IARS1: variants seen among roughly 807,000 people sequenced by gnomAD.
IARS1 encodes the protein isoleucine--tRNA ligase, cytoplasmic.
In IARS1, 124 loss-of-function variants were observed where a neutral mutation model predicts 168.2. That is an observed-to-expected ratio of 0.74 (90% CI 0.64 to 0.86). The LOEUF is 0.86. Among genes scored for constraint, IARS1 ranks in the 40% least tolerant of loss-of-function variants. The probability of loss-of-function intolerance (pLI) is 0.00; values close to 1 mark genes in which losing one functional copy is unlikely to be tolerated. For synonymous variants in IARS1, 532 were observed against 529.4 expected, an observed-to-expected ratio of 1.00 and a Z score of -0.07; for missense variants, 1,452 against 1,515.8, an observed-to-expected ratio of 0.96 and a Z score of 0.70.
At chr9:92,292,221 T>A (rs1394682178) in intron 1 of IARS1, among the ~76,000 whole-genome samples, 1 of 146,222 alleles carries the variant, frequency 6.8e-6, no homozygotes, top group Non-Finnish European at 1.5e-5. Context: ...GGGTGGTTTG[T>A]AGAGACAGGG....
chr9:92,277,678 A>ATT (rs879733186), intron 9 of IARS1, among the ~76,000 whole-genome samples, 185 bp downstream of exon 9: 3 of 151,672 alleles, frequency 2.0e-5, no homozygotes, highest in Non-Finnish European at 2.9e-5. Flanking sequence ...TGTTTTTAAA[A>ATT]AAAAAAAAAA....
chr9:92,275,798 A>G (rs2133906110), intron 9 of IARS1, among the ~76,000 whole-genome samples: 1 of 152,348 alleles, frequency 6.6e-6, no homozygotes, highest in South Asian at 2.1e-4. Context: ...CACAACAGGT[A>G]TATTTCAGTG....
intron 30 of IARS1, among the ~76,000 whole-genome samples, chr9:92,231,692 G>T (rs549504549): frequency 6.6e-6 from 1 of 151,654 alleles, no homozygotes; most frequent in East Asian, 1.9e-4. Context: ...CCTCCAAAAG[G>T]GCTAGGATTA....
intron 32 of IARS1, among the ~76,000 whole-genome samples, 172 bp downstream of exon 32, chr9:92,223,174 G>T (rs749172818): frequency 2.0e-5 from 3 of 152,120 alleles, no homozygotes; most frequent in Non-Finnish European, 2.9e-5. Flanking sequence ...ATGGATGAGG[G>T]TCTCTATAAC....
At chr9:92,222,910 G>T (rs1412892520) in intron 32 of IARS1, among the ~76,000 whole-genome samples, 1 of 152,050 alleles carries the variant, frequency 6.6e-6, no homozygotes, top group Admixed American at 6.5e-5. Flanking sequence ...GCAGCTTGGG[G>T]AGCAGATACT....
chr9:92,229,358 T>C (rs1587726306), intron 30 of IARS1, among the ~76,000 whole-genome samples: 6 of 144,828 alleles, frequency 4.1e-5, no homozygotes. Flanking sequence ...ATATATACAC[T>C]ACACACACAC....
chr9:92,288,037 A>G, intron 3 of IARS1, 89 bp downstream of exon 3: 6 of 1,517,112 alleles, frequency 4.0e-6, no homozygotes, highest in Non-Finnish European at 5.4e-6. Context: ...CTGACAGTCA[A>G]CGTTCATCAT....
Position 92,277,869 on chromosome 9 carries a change from G to A in IARS1, c.888C>T (p.Phe296=). The A allele has an allele frequency of 6.2e-7, 1 of 1,613,652 alleles. No individual in the cohort carries two copies. Among genetic ancestry groups the A allele is most frequent in the Non-Finnish European group, 8.5e-7 (1 of 1,179,800 alleles). The part of the protein sequence containing the change: ...GKKYRPLFDY[F]LKCKENGAFT... The stretch of plus-strand genomic sequence containing the variant: ...TAGCGGTCCCTAAGCTTACCTTCAG[G>A]AAATAGTCAAACAGGGGCCTGTACT... The change falls in exon 9 of 34, where the codon TTC becomes TTT. Residue 296 remains phenylalanine, a synonymous_variant. Coordinates refer to ENST00000443024, the MANE Select transcript of IARS1 (RefSeq NM_002161.6).
At position 92,264,919 on chromosome 9, in the gene IARS1, G is replaced by A. The variant is rs1832066462; in HGVS notation, c.1700+10C>T. 6.2e-7 allele frequency: 1 copy of A among 1,604,098 alleles called. No homozygotes were observed. Among genetic ancestry groups the A allele is most frequent in the Non-Finnish European group, 8.5e-7 (1 of 1,175,456 alleles). On this transcript the variant is annotated intron_variant, in intron 16 of 33. Coordinates refer to ENST00000443024, the MANE Select transcript of IARS1 (RefSeq NM_002161.6). ...AATAAAACACGTGATGAAAGAACAAGGAGGCATACCATCCTCTGGTTTGGT... is the reference window on the plus strand; with the variant it reads ...AATAAAACACGTGATGAAAGAACAAAGAGGCATACCATCCTCTGGTTTGGT...
intron 6 of IARS1, among the ~76,000 whole-genome samples, chr9:92,285,150 G>A (rs1306419231): frequency 2.0e-5 from 3 of 152,094 alleles, no homozygotes; most frequent in Non-Finnish European, 4.4e-5. Flanking sequence ...GTATACACAC[G>A]AGAAGAGATG....
At chr9:92,292,240 T>C (rs1474301030) in intron 1 of IARS1, among the ~76,000 whole-genome samples, 2 of 149,682 alleles carry the variant, frequency 1.3e-5, no homozygotes, top group Non-Finnish European at 3.0e-5. Context: ...GGTTTTGCCA[T>C]GTTGCCCTGG....
At position 92,265,526 on chromosome 9, in the gene IARS1, G is replaced by T. The variant is rs776932906; in HGVS notation, c.1459C>A (p.Leu487Ile). Residue 487 changes from leucine to isoleucine, a missense_variant, in exon 15 of 34, where the codon CTT becomes ATT. Physicochemically the swap from Leu to Ile is conservative, Grantham distance 5 (BLOSUM62 2). Coordinates refer to ENST00000443024, the MANE Select transcript of IARS1 (RefSeq NM_002161.6). The stretch of plus-strand genomic sequence containing the variant: ...ATCTTTGCTCCTGACAGTTCTTCAA[G>T]TTCCGCCACTGACCCAATGCATACC... Reference protein sequence around the residue: ...EVVCIGSVAELEELSGAKISD... With the variant: ...EVVCIGSVAEIEELSGAKISD... 6.2e-7 allele frequency: 1 copy of T among 1,613,938 alleles called. No homozygotes were observed. Among genetic ancestry groups the T allele is most frequent in the African/African-American group, 1.3e-5 (1 of 74,920 alleles).
intron 20 of IARS1, among the ~76,000 whole-genome samples, chr9:92,255,079 GCTCCCAGTGCTGCC>G (rs1230874257): frequency 5.9e-5 from 9 of 152,124 alleles, no homozygotes; most frequent in Non-Finnish European, 1.5e-5. Context: ...AGTGTGCTGG[GCTCCCAGTGCTGCC>G]CTCGCCAGGG....
chr9:92,268,274 C>T lies in IARS1; in HGVS notation c.1331G>A (p.Arg444Gln), dbSNP rs200389880. ...TGCATCTTTCAGCCAATTTCCAAATCGTTTTTCTCGTACCAACTCTGGGAC... is the reference window on the plus strand; with the variant it reads ...TGCATCTTTCAGCCAATTTCCAAATTGTTTTTCTCGTACCAACTCTGGGAC... Reference protein sequence around the residue: ...YWVPELVREKRFGNWLKDARD... With the variant: ...YWVPELVREKQFGNWLKDARD... The change falls in exon 14 of 34, where the codon CGA (arginine) becomes CAA (glutamine). Residue 444 changes from arginine to glutamine, a missense_variant. By Grantham distance (43) the Arg-to-Gln change is conservative. Transcript: ENST00000443024. 24 of 1,611,008 alleles carry T rather than the reference C, an allele frequency of 1.5e-5. No individual in the cohort carries two copies. The highest frequency in any genetic ancestry group is 2.7e-5 in the African/African-American group (2 of 74,736).
rs149406942 is a variant in IARS1 at position 92,284,556 on chromosome 9, G to A, written c.597+1166C>T. On this transcript the variant is annotated intron_variant, in intron 6 of 33. Coordinates refer to ENST00000443024, the MANE Select transcript of IARS1 (RefSeq NM_002161.6). Reference sequence around the variant, plus strand: ...AATTCCAACACTTTGGGAGGCCAAGGTGGGTGGATCGCAAGGTCAGGAGTT... The same window carrying A: ...AATTCCAACACTTTGGGAGGCCAAGATGGGTGGATCGCAAGGTCAGGAGTT... Among the ~76,000 whole-genome samples, 338 of 152,304 alleles carry A rather than the reference G, an allele frequency of 2.2e-3. 4 individuals carry two copies. The highest frequency in any genetic ancestry group is 7.6e-3 in the African/African-American group (316 of 41,572).
intron 20 of IARS1, 42 bp downstream of exon 20, chr9:92,256,638 A>C: frequency 6.3e-7 from 1 of 1,581,662 alleles, no homozygotes; most frequent in Non-Finnish European, 8.6e-7. Context: ...TTACAAAGAG[A>C]ATAGTCCTTA....
rs557297798 is a variant in IARS1 at position 92,285,663 on chromosome 9, A to C, written c.597+59T>G. On this transcript the variant is annotated intron_variant, in intron 6 of 33. Transcript: ENST00000443024. ...CTTGGGAATACCTACTGTGATCATA[A>C]CTACTCAGCTTCCACCTACAAAACT... 2.2e-4 allele frequency: 226 copies of C among 1,047,200 alleles called. 1 individual carries two copies. In the East Asian group the frequency reaches 5.3e-3, roughly 25 times the overall value. 64.9% of individuals were successfully genotyped at this position (1,047,200 alleles called of 1,614,324 possible).
At chr9:92,280,664 A>C (rs1366522793) in intron 7 of IARS1, 82 bp downstream of exon 7, 1 of 835,846 alleles carries the variant, frequency 1.2e-6, no homozygotes, top group East Asian at 2.8e-5. Flanking sequence ...CTTCATGCAA[A>C]AAGAAAGGTA....
At chr9:92,232,811 CCTCT>C (rs1470636339) in intron 30 of IARS1, among the ~76,000 whole-genome samples, 1 of 152,098 alleles carries the variant, frequency 6.6e-6, no homozygotes, top group Non-Finnish European at 1.5e-5. Flanking sequence ...GAAACAGAGT[CCTCT>C]CTATTAAAAC....
Sources: allele counts gnomAD v4.1 joint callset (sites outside exome capture counted in the v4.1 genomes callset), GRCh38; gene constraint gnomAD v4.1.1; transcripts MANE v1.5; gene names NCBI Gene and HGNC (gene_info 2026-07-23, HGNC 2026-07-21).